The following SH2D1A variants were observed in gnomAD, a reference collection of about 807,000 sequenced individuals.
The protein encoded by SH2D1A is SH2 domain-containing protein 1A.
In SH2D1A, 6 loss-of-function variants were observed where a neutral mutation model predicts 10.1. That is an observed-to-expected ratio of 0.60 (90% confidence interval 0.33 to 1.18). The LOEUF (loss-of-function observed/expected upper bound fraction) is 1.18. Among genes scored for constraint, SH2D1A ranks in the 50% most tolerant of loss-of-function variants. The pLI is 0.04. For synonymous variants in SH2D1A, 42 were observed against 36.9 expected (o/e 1.14, Z -0.51); for missense variants, 51 against 97.6 (o/e 0.52, Z 2.01).
chrX:124,357,217 T>C (rs1035096633), intron 1 of SH2D1A, among the ~76,000 whole-genome samples: 3 of 112,011 alleles, frequency 2.7e-5, no homozygotes, highest in African/African-American at 6.5e-5. Flanking sequence ...TAAGATCCCA[T>C]GTATAACTGA....
intron 2 of SH2D1A, 27 bp from the exon 3 acceptor site, chrX:124,370,149 T>C: frequency 8.7e-7 from 1 of 1,151,383 alleles, no homozygotes; most frequent in Non-Finnish European, 1.2e-6. Context: ...GATAGGTAAA[T>C]AATTTGCTTG....
intron 1 of SH2D1A, among the ~76,000 whole-genome samples, chrX:124,363,952 G>A (rs1422955257): frequency 6.3e-5 from 6 of 94,874 alleles, no homozygotes; most frequent in Non-Finnish European, 1.3e-4. Flanking sequence ...GTATAGCACA[G>A]ACAATTACAT....
intron 1 of SH2D1A, among the ~76,000 whole-genome samples, chrX:124,358,145 T>C (rs2060030648): frequency 8.9e-6 from 1 of 112,149 alleles, no homozygotes; most frequent in Non-Finnish European, 1.9e-5. Context: ...TAATCCCATT[T>C]ATCTATTTCT....
intron 1 of SH2D1A, among the ~76,000 whole-genome samples, chrX:124,363,752 G>A (rs944604367): frequency 3.7e-5 from 4 of 109,186 alleles, no homozygotes; most frequent in Non-Finnish European, 7.6e-5. Flanking sequence ...AAATTAGCCA[G>A]CCATGGTGGC....
chrX:124,372,243 G>A lies in SH2D1A; in HGVS notation c.*852G>A, dbSNP rs925383655. The A allele has an allele frequency of 2.4e-5, 4 of 164,458 alleles. No homozygotes were observed. Among genetic ancestry groups the A allele is most frequent in the African/African-American group, 1.2e-4 (4 of 33,162 alleles). 13.6% of individuals were successfully genotyped at this position (164,458 alleles called of 1,213,427 possible). Reference sequence around the variant, plus strand: ...CAAAACCACTGGAAAGTTTATGGTTGTATTATTTTTTAAAAAAATTCCAAG... The same window carrying A: ...CAAAACCACTGGAAAGTTTATGGTTATATTATTTTTTAAAAAAATTCCAAG... On this transcript the variant is annotated 3_prime_UTR_variant, in exon 4 of 4. Transcript: ENST00000371139.
At chrX:124,368,285 G>A (rs998056695) in intron 2 of SH2D1A, among the ~76,000 whole-genome samples, 4 of 110,456 alleles carry the variant, frequency 3.6e-5, no homozygotes, top group African/African-American at 1.3e-4. Flanking sequence ...CAAGTAGCCG[G>A]GATTGCCACC....
chrX:124,349,448 C>T (rs1441439275), intron 1 of SH2D1A, among the ~76,000 whole-genome samples: 2 of 111,298 alleles, frequency 1.8e-5, no homozygotes, highest in African/African-American at 6.5e-5. Flanking sequence ...TTATGATATG[C>T]AGTCGAAATA....
Position 124,351,459 on chromosome X carries a change from C to G in SH2D1A, c.137+4680C>G, listed in dbSNP as rs73212987. On this transcript the variant is annotated intron_variant, in intron 1 of 3. Coordinates refer to ENST00000371139, the MANE Select transcript of SH2D1A (RefSeq NM_002351.5). ...TTTCTAGGTCAGAAAACATAAACAG[C>G]TTAGGATTCTTGATATATACATGAT... Among the ~76,000 whole-genome samples the G allele has an allele frequency of 7.9e-3, 871 of 110,168 alleles. 6 individuals are homozygous for G. Among genetic ancestry groups the G allele is most frequent in the Non-Finnish European group, 9.7e-3 (508 of 52,525 alleles).
Position 124,371,498 on chromosome X carries a change from C to A in SH2D1A, c.*107C>A. ...GTGAGCTACAAATGCATTTCTAAAG[C>A]CATTGTAGTCCTGTAATGGAAGCAT... is the stretch of plus-strand genomic sequence containing the variant. On this transcript the variant is annotated 3_prime_UTR_variant, in exon 4 of 4. Coordinates refer to ENST00000371139, the MANE Select transcript of SH2D1A (RefSeq NM_002351.5). The A allele has an allele frequency of 4.1e-6, 2 of 490,156 alleles. No homozygotes were observed. The highest frequency in any genetic ancestry group is 6.6e-6 in the Non-Finnish European group (2 of 301,341). 40.4% of individuals were successfully genotyped at this position (490,156 alleles called of 1,213,427 possible). A position where few individuals can be genotyped will look rare whatever the true frequency, so the allele number is the denominator to read the frequency against.
At chrX:124,347,693 G>C (rs1433301883) in intron 1 of SH2D1A, among the ~76,000 whole-genome samples, 1 of 111,193 alleles carries the variant, frequency 9.0e-6, no homozygotes, top group Non-Finnish European at 1.9e-5. Flanking sequence ...AAGATTAAGT[G>C]CCATAATGCA....
chrX:124,363,961 A>G (rs1371446422), intron 1 of SH2D1A, among the ~76,000 whole-genome samples: 2 of 109,083 alleles, frequency 1.8e-5, no homozygotes, highest in East Asian at 5.6e-4. Flanking sequence ...AGACAATTAC[A>G]TACAGTACAC....
intron 2 of SH2D1A, among the ~76,000 whole-genome samples, chrX:124,368,097 A>G (rs1338272203): frequency 9.0e-6 from 1 of 111,661 alleles, no homozygotes; most frequent in African/African-American, 3.3e-5. Flanking sequence ...TTCTGTTAGC[A>G]TGGATAATCA....
At chrX:124,371,001 A>G (rs1017940832) in intron 3 of SH2D1A, among the ~76,000 whole-genome samples, 6 of 111,841 alleles carry the variant, frequency 5.4e-5, no homozygotes, top group Non-Finnish European at 1.1e-4. Flanking sequence ...ATAGGCCTTG[A>G]TTGAAACAAT....
chrX:124,358,427 G>A (rs760194876), intron 1 of SH2D1A, among the ~76,000 whole-genome samples: 62 of 111,688 alleles, frequency 5.6e-4, no homozygotes, highest in African/African-American at 1.9e-3. Context: ...CCATGGACAG[G>A]GACAGAGTAT....
chrX:124,362,948 G>A (rs1327737575), intron 1 of SH2D1A, among the ~76,000 whole-genome samples: 2 of 111,371 alleles, frequency 1.8e-5, no homozygotes, highest in African/African-American at 6.5e-5. Context: ...TGAGTACACA[G>A]CAAGAGGTCA....
At chrX:124,363,878 G>A (rs1223570322) in intron 1 of SH2D1A, among the ~76,000 whole-genome samples, 1 of 67,528 alleles carries the variant, frequency 1.5e-5, no homozygotes, top group Non-Finnish European at 2.5e-5. Flanking sequence ...GCAACAGAGC[G>A]AGACTCTATC....
At chrX:124,358,885 C>G (rs2060032621) in intron 1 of SH2D1A, among the ~76,000 whole-genome samples, 1 of 111,861 alleles carries the variant, frequency 8.9e-6, no homozygotes, top group Non-Finnish European at 1.9e-5. Flanking sequence ...AACAAGCTCC[C>G]AGGTGATGTT....
chrX:124,352,193 T>C (rs2060016772), intron 1 of SH2D1A, among the ~76,000 whole-genome samples: 1 of 111,177 alleles, frequency 9.0e-6, no homozygotes, highest in African/African-American at 3.3e-5. Flanking sequence ...ATAAAAGATC[T>C]AATTTGATTT....
At chrX:124,361,031 T>G (rs1482561032) in intron 1 of SH2D1A, among the ~76,000 whole-genome samples, 4 of 111,457 alleles carry the variant, frequency 3.6e-5, no homozygotes, top group Non-Finnish European at 7.5e-5. Flanking sequence ...CCTAATAGGA[T>G]TTTTGTGGGG....
Sources: gnomAD v4.1 joint callset for allele counts (sites outside exome capture counted in the v4.1 genomes callset) on GRCh38, gnomAD v4.1.1 for gene constraint, MANE v1.5 for transcripts, NCBI Gene and HGNC (gene_info 2026-07-23, HGNC 2026-07-21) for gene names.